Variants in PCDHA2 observed in about 807,000 individuals in gnomAD.
PCDHA2 encodes protocadherin alpha 2.
In PCDHA2, 58 loss-of-function variants were observed where a neutral mutation model predicts 66.0. The observed-to-expected ratio is 0.88, with a 90% CI of 0.71 to 1.09. The LOEUF (loss-of-function observed/expected upper bound fraction) is 1.09. PCDHA2 is among the 50% of genes least tolerant of loss of function. PCDHA2 has a pLI of 0.00. For missense variants in PCDHA2, 1,267 were observed against 1,242.3 expected (o/e 1.02, Z -0.30); for synonymous variants, 634 against 554.0 (o/e 1.14, Z -2.03).
chr5:140,801,466 T>C (rs782148660), intron 1 of PCDHA2: 2 of 1,614,040 alleles, frequency 1.2e-6, no homozygotes, highest in Admixed American at 1.7e-5. Flanking sequence ...AATTCTCGGA[T>C]AGACCGCGAG....
At chr5:140,945,955 A>C (rs1174972799) in intron 1 of PCDHA2, among the ~76,000 whole-genome samples, 2 of 152,136 alleles carry the variant, frequency 1.3e-5, no homozygotes, top group African/African-American at 4.8e-5. Context: ...TGACCCTGAA[A>C]GCACAGGCAA....
intron 1 of PCDHA2, among the ~76,000 whole-genome samples, chr5:140,855,676 T>G (rs1325964352): frequency 1.3e-5 from 2 of 149,550 alleles, no homozygotes; most frequent in Non-Finnish European, 3.0e-5. Context: ...ACTCTGAGAG[T>G]CTACATTTAA....
intron 3 of PCDHA2, among the ~76,000 whole-genome samples, chr5:141,002,328 C>T (rs1421788305): frequency 3.3e-5 from 5 of 152,250 alleles, no homozygotes; most frequent in Admixed American, 6.5e-5. Flanking sequence ...GGCCGGGCTG[C>T]ATCCGCACCC....
intron 3 of PCDHA2, among the ~76,000 whole-genome samples, chr5:140,999,654 C>T (rs180994815): frequency 1.3e-3 from 194 of 152,238 alleles, no homozygotes; most frequent in African/African-American, 4.4e-3. Context: ...AGCCTGAGCC[C>T]TGCTGGGTTG....
intron 1 of PCDHA2, chr5:140,812,368 CT>C (rs1173374807): frequency 6.6e-6 from 1 of 151,724 alleles, no homozygotes; most frequent in Non-Finnish European, 1.5e-5. Flanking sequence ...GACTTCCAGT[CT>C]TTTTGTTTTT....
At position 140,849,588 on chromosome 5, in the gene PCDHA2, C is replaced by G. The variant is rs2150441639; in HGVS notation, c.2388+52236C>G. ...GGTTCCTGTAAAAGAGGACGCACAA[C>G]TGGGGACAGTTATTGCCCTGATTAG... On this transcript the variant is annotated intron_variant, in intron 1 of 3. Coordinates refer to ENST00000526136, the MANE Select transcript of PCDHA2 (RefSeq NM_018905.3). 8 of 1,598,790 alleles carry G rather than the reference C, an allele frequency of 5.0e-6. 1 individual carries two copies. Among genetic ancestry groups the G allele is most frequent in the East Asian group, 4.5e-5 (2 of 44,856 alleles).
chr5:140,985,739 C>CTTTTT (rs11372071), intron 3 of PCDHA2, among the ~76,000 whole-genome samples: 4 of 117,922 alleles, frequency 3.4e-5, no homozygotes, highest in East Asian at 2.5e-4. Flanking sequence ...TGATGAATTC[C>CTTTTT]TTTTTTTTTT....
rs1380751702 is a variant in PCDHA2 at position 140,855,145 on chromosome 5, A to C, written c.2388+57793A>C. On this transcript the variant is annotated intron_variant, in intron 1 of 3. Transcript: ENST00000526136. Reference sequence around the variant, plus strand: ...AGGTAATAATTTTGCCTGATGAGCCAAATTTGGTATTGAGCCTCATGAAAA... The same window carrying C: ...AGGTAATAATTTTGCCTGATGAGCCCAATTTGGTATTGAGCCTCATGAAAA... Among the ~76,000 whole-genome samples, 3 of 149,972 alleles carry C rather than the reference A, an allele frequency of 2.0e-5. 1 individual carries two copies. The East Asian group carries it at 5.8e-4, about 29-fold the overall frequency.
At chr5:140,870,285 C>G (rs1315531348) in intron 1 of PCDHA2, 1 of 1,614,108 alleles carries the variant, frequency 6.2e-7, no homozygotes, top group Non-Finnish European at 8.5e-7. Flanking sequence ...ACGTTCCCTT[C>G]AAGCTGGTGT....
In PCDHA2 at chr5:140,830,061, C is replaced by T. The variant is rs2150180450; in HGVS notation, c.2388+32709C>T. On this transcript the variant is annotated intron_variant, in intron 1 of 3. Coordinates refer to ENST00000526136, the MANE Select transcript of PCDHA2 (RefSeq NM_018905.3). ...GTGCTGGTGAAAGACCACGGTGAGCCGGCGCTGACAGCGACGGCCACGGTT... is the reference window on the plus strand; with the variant it reads ...GTGCTGGTGAAAGACCACGGTGAGCTGGCGCTGACAGCGACGGCCACGGTT... The T allele has an allele frequency of 3.7e-6, 6 of 1,613,604 alleles. No individual in the cohort carries two copies. In the African/African-American group the frequency reaches 5.3e-5, roughly 14 times the overall value.
At chr5:140,888,649 A>G (rs1554183557) in intron 1 of PCDHA2, among the ~76,000 whole-genome samples, 1 of 152,210 alleles carries the variant, frequency 6.6e-6, no homozygotes, top group African/African-American at 2.4e-5. Flanking sequence ...TACTTTCCTG[A>G]GGACACCACC....
intron 1 of PCDHA2, chr5:140,807,073 C>T: frequency 8.4e-7 from 1 of 1,196,448 alleles, no homozygotes. Flanking sequence ...GAACCATATA[C>T]ACTCTTTGGA....
intron 1 of PCDHA2, chr5:140,834,468 G>T (rs1350848206): frequency 2.5e-6 from 4 of 1,614,146 alleles, no homozygotes; most frequent in Non-Finnish European, 2.5e-6. Flanking sequence ...GGCAGGGAGA[G>T]GCCAGCTCCA....
At chr5:140,912,209 G>T (rs1027468350) in intron 1 of PCDHA2, among the ~76,000 whole-genome samples, 8 of 152,158 alleles carry the variant, frequency 5.3e-5, no homozygotes, top group Non-Finnish European at 7.3e-5. Context: ...ATTGAGGGTA[G>T]ATCTGCCTTT....
At chr5:140,811,070 A>G (rs1554125659) in intron 1 of PCDHA2, 1 of 152,168 alleles carries the variant, frequency 6.6e-6, no homozygotes, top group Admixed American at 6.5e-5. Context: ...GGTTTGTTAC[A>G]TAGGTATACA....
At chr5:140,870,368 T>A in intron 1 of PCDHA2, 1 of 1,614,094 alleles carries the variant, frequency 6.2e-7, no homozygotes, top group Admixed American at 1.7e-5. Context: ...GCCTATGAAC[T>A]GGTGGTGACT....
intron 1 of PCDHA2, among the ~76,000 whole-genome samples, chr5:140,806,731 T>TA: frequency 6.6e-6 from 1 of 152,366 alleles, no homozygotes; most frequent in South Asian, 2.1e-4. Context: ...AGTTTACAGT[T>TA]ACATGTTTAC....
At position 140,967,719 on chromosome 5, in the gene PCDHA2, G is replaced by A. The variant is rs1422649398; in HGVS notation, c.2389-11230G>A. On this transcript the variant is annotated intron_variant, in intron 1 of 3. Coordinates refer to ENST00000526136, the MANE Select transcript of PCDHA2 (RefSeq NM_018905.3). ...ATAGATGCCAGTACCGGGGAAGTGC[G>A]AGTAATTGGGGGGCTGGATTATGAG... 3 of 1,614,052 alleles carry A rather than the reference G, an allele frequency of 1.9e-6. No individual in the cohort carries two copies. In the African/African-American group the frequency reaches 4.0e-5, roughly 22 times the overall value.
At chr5:140,822,740 T>C (rs2150119002) in intron 1 of PCDHA2, 2 of 1,613,644 alleles carry the variant, frequency 1.2e-6, no homozygotes, top group Non-Finnish European at 1.7e-6. Flanking sequence ...ATTGATGCCA[T>C]GGATAAAAGT....
Sources: allele counts gnomAD v4.1 joint callset (sites outside exome capture counted in the v4.1 genomes callset), GRCh38; gene constraint gnomAD v4.1.1; transcripts MANE v1.5; gene names NCBI Gene and HGNC (gene_info 2026-07-23, HGNC 2026-07-21).